TTLL6: variants seen among roughly 807,000 people sequenced by gnomAD.
TTLL6 encodes tubulin tyrosine ligase like 6.
Under a neutral mutation model 96.4 loss-of-function variants are expected in TTLL6, and 75 were observed. That is an observed-to-expected ratio of 0.78 (90% CI 0.65 to 0.94). The LOEUF (loss-of-function observed/expected upper bound fraction) is 0.94. TTLL6 is among the 40% of genes least tolerant of loss of function. The probability of loss-of-function intolerance (pLI) is 0.00; values close to 1 mark genes in which losing one functional copy is unlikely to be tolerated. For missense variants in TTLL6, 1,030 were observed against 1,093.0 expected, an observed-to-expected ratio of 0.94 and a Z score of 0.81; for synonymous variants, 411 against 419.4, an observed-to-expected ratio of 0.98 and a Z score of 0.24.
At chr17:48,796,241 G>T in intron 7 of TTLL6, 95 bp from the exon 8 acceptor site, 1 of 987,182 alleles carries the variant, frequency 1.0e-6, no homozygotes, top group Non-Finnish European at 1.5e-6. Context: ...GGCTTGAAGG[G>T]ATGGAAAGAA....
intron 13 of TTLL6, among the ~76,000 whole-genome samples, chr17:48,774,856 G>A (rs1431058084): frequency 6.6e-6 from 1 of 152,082 alleles, no homozygotes; most frequent in Non-Finnish European, 1.5e-5. Context: ...CAAATCACCA[G>A]GCACCATGGC....
chr17:48,767,196 C>T (rs1316139460), intron 15 of TTLL6, among the ~76,000 whole-genome samples: 2 of 152,156 alleles, frequency 1.3e-5, no homozygotes, highest in Non-Finnish European at 1.5e-5. Flanking sequence ...AGCCACCGTG[C>T]CTGACCTATT....
intron 8 of TTLL6, chr17:48,794,183 C>G (rs2039278930): frequency 1.2e-6 from 2 of 1,613,964 alleles, no homozygotes; most frequent in Non-Finnish European, 1.7e-6. Flanking sequence ...CAGAACAACA[C>G]TTGAAGCCTT....
At chr17:48,808,370 A>ATGTGTGTGTG (rs1408353178) in intron 1 of TTLL6, among the ~76,000 whole-genome samples, 5 of 137,376 alleles carry the variant, frequency 3.6e-5, no homozygotes, top group South Asian at 2.4e-4. Flanking sequence ...CGCTTCTCAT[A>ATGTGTGTGTG]TGTATGTGTG....
chr17:48,768,963 C>T lies in TTLL6; in HGVS notation c.*26G>A, dbSNP rs566944916. On this transcript the variant is annotated intron_variant, in intron 15 of 15. Coordinates refer to ENST00000393382, the MANE Select transcript of TTLL6 (RefSeq NM_001130918.3). ...AGAGCACCTGCCAACGCACCAAATT[C>T]ATTAAGGGAATATGTGTGGGCCTAC... is the stretch of plus-strand genomic sequence containing the variant. The T allele has an allele frequency of 6.2e-6, 10 of 1,604,826 alleles. No homozygotes were observed. The South Asian group carries it at 1.1e-4, about 18-fold the overall frequency.
intron 3 of TTLL6, among the ~76,000 whole-genome samples, chr17:48,802,064 AAAAGAAAGAAAGAAAAAG>A (rs2039426883): frequency 6.9e-6 from 1 of 144,418 alleles, no homozygotes; most frequent in South Asian, 2.2e-4. Context: ...GAAAGAAAAG[AAAAGAAAGAAAGAAAAAG>A]AAAGAAAGAA....
intron 15 of TTLL6, chr17:48,765,634 G>A (rs1248900993): frequency 6.6e-6 from 1 of 152,170 alleles, no homozygotes; most frequent in Non-Finnish European, 1.5e-5. Context: ...ATGAGCATGG[G>A]AGTTTTGACC....
In TTLL6 at chr17:48,762,337, C is replaced by T. The variant is rs560388321; in HGVS notation, c.*637G>A. 8.5e-5 allele frequency: 13 copies of T among 152,298 alleles called. No homozygotes were observed. The highest frequency in any genetic ancestry group is 2.9e-4 in the African/African-American group (12 of 41,570). 9.4% of individuals were successfully genotyped at this position (152,298 alleles called of 1,614,324 possible). ...AGCATCTTCAGGCTGGGTACTCTCG[C>T]CTCACCTCTGTTTTCACTGGTGAGA... On this transcript the variant is annotated 3_prime_UTR_variant, in exon 16 of 16. Transcript: ENST00000393382.
chr17:48,809,859 G>T (rs1035130990), intron 1 of TTLL6, among the ~76,000 whole-genome samples: 1 of 151,606 alleles, frequency 6.6e-6, no homozygotes, highest in African/African-American at 2.4e-5. Flanking sequence ...CTCAAAAAAA[G>T]AAAAGAAAGG....
intron 2 of TTLL6, 140 bp from the exon 3 acceptor site, chr17:48,804,068 G>A (rs1416550730): frequency 3.3e-6 from 3 of 918,376 alleles, no homozygotes; most frequent in Admixed American, 4.1e-5. Context: ...GACCGTCCCT[G>A]TTGCTGAGGA....
intron 8 of TTLL6, chr17:48,794,124 G>A (rs536625122): frequency 6.3e-7 from 1 of 1,596,270 alleles, no homozygotes; most frequent in Non-Finnish European, 8.6e-7. Flanking sequence ...AAGTACAGTG[G>A]GGTGAGAGGG....
chr17:48,762,412 G>A lies in TTLL6; in HGVS notation c.*562C>T, dbSNP rs1439665834. The A allele has an allele frequency of 6.6e-6, 1 of 152,532 alleles. No individual in the cohort carries two copies. Among genetic ancestry groups the A allele is most frequent in the East Asian group, 1.9e-4 (1 of 5,202 alleles). The allele number at this position is 152,532 out of a possible 1,614,324, so 9.4% of individuals were successfully genotyped here. On this transcript the variant is annotated 3_prime_UTR_variant, in exon 16 of 16. Transcript: ENST00000393382. Reference sequence around the variant, plus strand: ...CACCAGAGGATGCTCGGGCACTGAGGTGGCAAGTCTTTGGGCTGGTGGGGA... The same window carrying A: ...CACCAGAGGATGCTCGGGCACTGAGATGGCAAGTCTTTGGGCTGGTGGGGA...
chr17:48,786,039 C>A, intron 12 of TTLL6, 125 bp downstream of exon 12: 1 of 1,441,076 alleles, frequency 6.9e-7, no homozygotes, highest in South Asian at 1.4e-5. Context: ...CGTCGTTGCC[C>A]AGCCCTCTGC....
chr17:48,803,910 G>A lies in TTLL6; in HGVS notation c.342C>T (p.Ser114=). ...RKKKRLVINL[S]SCRYESVRRA... is the part of the protein sequence containing the mutation. ...GCTCACCACTCTCATACCGGCAGCT[G>A]GATAGATTGATCACCAATCATCTGG... is the stretch of plus-strand genomic sequence containing the variant. Residue 114 remains serine, a synonymous_variant, in exon 3 of 16, where the codon TCC becomes TCT. Coordinates refer to ENST00000393382, the MANE Select transcript of TTLL6 (RefSeq NM_001130918.3). 6.4e-7 allele frequency: 1 copy of A among 1,551,966 alleles called. No individual in the cohort carries two copies. The highest frequency in any genetic ancestry group is 8.7e-7 in the Non-Finnish European group (1 of 1,147,064).
chr17:48,813,146 C>T (rs2039618434), intron 1 of TTLL6, among the ~76,000 whole-genome samples: 1 of 152,160 alleles, frequency 6.6e-6, no homozygotes, highest in African/African-American at 2.4e-5. Flanking sequence ...CCTGTCTCTC[C>T]ATGCTCCCCT....
chr17:48,785,944 C>G (rs1049843336), intron 12 of TTLL6, among the ~76,000 whole-genome samples: 2 of 152,170 alleles, frequency 1.3e-5, no homozygotes, highest in African/African-American at 4.8e-5. Flanking sequence ...CAGGACAGAC[C>G]GGTGAGAGTC....
At position 48,769,267 on chromosome 17, in the gene TTLL6, A is replaced by G; in HGVS notation, c.2411-13T>C. ...AGGGAGGGGTTTTCTGGAAAGGCAAAGTCAGAAGCATCAGCGATTTGTGCT... is the reference window on the plus strand; with the variant it reads ...AGGGAGGGGTTTTCTGGAAAGGCAAGGTCAGAAGCATCAGCGATTTGTGCT... On this transcript the variant is annotated splice_polypyrimidine_tract_variant and intron_variant, in intron 14 of 15. Coordinates refer to ENST00000393382, the MANE Select transcript of TTLL6 (RefSeq NM_001130918.3). The G allele has an allele frequency of 6.3e-7, 1 of 1,584,640 alleles. No individual in the cohort carries two copies. The highest frequency in any genetic ancestry group is 8.6e-7 in the Non-Finnish European group (1 of 1,163,054).
Position 48,816,991 on chromosome 17 carries a change from C to T in TTLL6, c.82G>A (p.Asp28Asn). ...ASWTSSPAGR[D>N]GGVGIAGAWY... ...TTACCCGCAATTCCTACTCCCCCGT[C>T]TCGCCCCGCTGGGCTGCTAGTCCAG... Residue 28 changes from aspartate to asparagine, a missense_variant, in exon 1 of 16, where the codon GAC becomes AAC. Asp to Asn is a conservative substitution (Grantham distance 23). Transcript: ENST00000393382. The T allele has an allele frequency of 6.5e-7, 1 of 1,540,082 alleles. No homozygotes were observed. Among genetic ancestry groups the T allele is most frequent in the Non-Finnish European group, 8.7e-7 (1 of 1,144,516 alleles).
At chr17:48,808,038 C>CTG (rs1317228588) in intron 1 of TTLL6, among the ~76,000 whole-genome samples, 1 of 151,900 alleles carries the variant, frequency 6.6e-6, no homozygotes, top group Non-Finnish European at 1.5e-5. Flanking sequence ...CGGGGTTTCA[C>CTG]TGTGTTAGCC....
Sources: gnomAD v4.1 joint callset for allele counts (sites outside exome capture counted in the v4.1 genomes callset) on GRCh38, gnomAD v4.1.1 for gene constraint, MANE v1.5 for transcripts, NCBI Gene and HGNC (gene_info 2026-07-23, HGNC 2026-07-21) for gene names.